EZH2: variants seen among roughly 807,000 people sequenced by gnomAD.
EZH2 encodes enhancer of zeste 2 polycomb repressive complex 2 subunit.
EZH2 carries 18 observed loss-of-function variants against 98.4 expected under a neutral mutation model. That is an observed-to-expected ratio of 0.18 (90% CI 0.13 to 0.27). The LOEUF (loss-of-function observed/expected upper bound fraction) is 0.27. Among genes scored for constraint, EZH2 ranks in the 10% least tolerant of loss-of-function variants. The pLI, the probability that EZH2 is intolerant of heterozygous loss-of-function variation, is 1.00. For synonymous variants in EZH2, 338 were observed against 312.3 expected (o/e 1.08, Z -0.87); for missense variants, 470 against 935.1 (o/e 0.50, Z 6.49).
At chr7:148,878,604 T>C (rs1820499049) in intron 1 of EZH2, among the ~76,000 whole-genome samples, 1 of 152,248 alleles carries the variant, frequency 6.6e-6, no homozygotes, top group South Asian at 2.1e-4. Context: ...TTCTTACAAA[T>C]ATTAAAAACA....
chr7:148,826,421 A>T, intron 8 of EZH2, 33 bp downstream of exon 8: 1 of 1,499,376 alleles, frequency 6.7e-7, no homozygotes, highest in Non-Finnish European at 9.0e-7. Context: ...TTAAAACATA[A>T]TTCCACAACA....
chr7:148,856,468 G>A (rs1331562795), intron 1 of EZH2, among the ~76,000 whole-genome samples: 2 of 152,194 alleles, frequency 1.3e-5, no homozygotes, highest in Non-Finnish European at 1.5e-5. Flanking sequence ...TGCATTTCCA[G>A]GGTCTGTCCA....
rs755577047 is a variant in EZH2 at position 148,809,035 on chromosome 7, C to T, written c.2195+36G>A. 34 of 1,546,534 alleles carry T rather than the reference C, an allele frequency of 2.2e-5. 1 individual carries two copies. In the South Asian group the frequency reaches 3.8e-4, roughly 17 times the overall value. ...AGAGTTCACAATCCAGTAGAAAAAG[C>T]CCTTAGAGATCATGCTAGAAATGTA... On this transcript the variant is annotated intron_variant, in intron 19 of 19. Coordinates refer to ENST00000320356, the MANE Select transcript of EZH2 (RefSeq NM_004456.5).
intron 8 of EZH2, among the ~76,000 whole-genome samples, chr7:148,825,640 A>G (rs1465528795): frequency 6.6e-6 from 1 of 152,192 alleles, no homozygotes; most frequent in Non-Finnish European, 1.5e-5. Context: ...CAGGAACTCA[A>G]AACAACAAAG....
intron 1 of EZH2, among the ~76,000 whole-genome samples, chr7:148,850,112 G>T (rs1815299496): frequency 6.6e-6 from 1 of 152,094 alleles, no homozygotes; most frequent in African/African-American, 2.4e-5. Flanking sequence ...TCTGCCTCCC[G>T]GGTTCACGCC....
At chr7:148,848,530 G>C (rs912468810) in intron 1 of EZH2, among the ~76,000 whole-genome samples, 1 of 152,160 alleles carries the variant, frequency 6.6e-6, no homozygotes, top group African/African-American at 2.4e-5. Flanking sequence ...AGAAGATTTA[G>C]AGTAAGAGTC....
chr7:148,839,626 C>T lies in EZH2; in HGVS notation c.246+6844G>A, dbSNP rs151053938. Among the ~76,000 whole-genome samples the T allele has an allele frequency of 1.6e-3, 245 of 151,564 alleles. 6 individuals are homozygous for T. Among genetic ancestry groups the T allele is most frequent in the Admixed American group, 0.01 (155 of 15,230 alleles). On this transcript the variant is annotated intron_variant, in intron 3 of 19. Coordinates refer to ENST00000320356, the MANE Select transcript of EZH2 (RefSeq NM_004456.5). Reference sequence around the variant, plus strand: ...GTCTTGTGATCTCGGCTCACTGAAACCTCTGCCTCCTGGGTTCAAGGCATT... The same window carrying T: ...GTCTTGTGATCTCGGCTCACTGAAATCTCTGCCTCCTGGGTTCAAGGCATT...
intron 8 of EZH2, among the ~76,000 whole-genome samples, chr7:148,822,668 G>A (rs1455797575): frequency 3.3e-5 from 5 of 152,052 alleles, no homozygotes; most frequent in South Asian, 2.1e-4. Flanking sequence ...TAGGCCAGGC[G>A]CAGTGGCTCA....
chr7:148,853,559 G>T (rs1382461091), intron 1 of EZH2, among the ~76,000 whole-genome samples: 1 of 152,202 alleles, frequency 6.6e-6, no homozygotes, highest in African/African-American at 2.4e-5. Flanking sequence ...GTACAGCCCA[G>T]TTCCTAACGG....
At chr7:148,857,099 T>C (rs746698264) in intron 1 of EZH2, among the ~76,000 whole-genome samples, 7 of 152,200 alleles carry the variant, frequency 4.6e-5, no homozygotes, top group Middle Eastern at 3.2e-3. Flanking sequence ...GTGGTATCCT[T>C]CCCCCAGACC....
At chr7:148,829,233 G>A (rs947864396) in intron 5 of EZH2, among the ~76,000 whole-genome samples, 2 of 152,094 alleles carry the variant, frequency 1.3e-5, no homozygotes, top group Non-Finnish European at 2.9e-5. Flanking sequence ...GACAATGGAT[G>A]ATGATATTAC....
intron 3 of EZH2, among the ~76,000 whole-genome samples, chr7:148,844,599 T>C (rs1183141637): frequency 6.6e-6 from 1 of 152,136 alleles, no homozygotes; most frequent in East Asian, 1.9e-4. Flanking sequence ...TCAATCTGCG[T>C]GTGTGTGTGG....
In EZH2 at chr7:148,856,353, T is replaced by C. The variant is rs1816833825; in HGVS notation, c.-7-9048A>G. ...GTTACAAATAAGCAAGAGGTGGTGA[T>C]GAATTAGTCAGATATATCAATATGA... On this transcript the variant is annotated intron_variant, in intron 1 of 19. Transcript: ENST00000320356. 1.3e-5 allele frequency among the ~76,000 whole-genome samples: 2 copies of C among 152,344 alleles called. 1 individual carries two copies. The highest frequency in any genetic ancestry group is 4.1e-4 in the South Asian group (2 of 4,830).
intron 1 of EZH2, among the ~76,000 whole-genome samples, chr7:148,858,526 T>C (rs1021257791): frequency 6.6e-6 from 1 of 152,022 alleles, no homozygotes; most frequent in African/African-American, 2.4e-5. Context: ...AATTCTACTT[T>C]TTCAATTTTT....
chr7:148,846,711 T>C, intron 2 of EZH2, 113 bp from the exon 3 acceptor site: 1 of 893,014 alleles, frequency 1.1e-6, no homozygotes, highest in Non-Finnish European at 1.7e-6. Flanking sequence ...ATCAAGAACA[T>C]TTTCTTAGGT....
At chr7:148,807,762 A>AGTCTT (rs2129465567) in intron 19 of EZH2, 56 bp from the exon 20 acceptor site, 1 of 1,123,214 alleles carries the variant, frequency 8.9e-7, no homozygotes, top group Non-Finnish European at 1.3e-6. Flanking sequence ...ACATGTGCTG[A>AGTCTT]GACTTAACAC....
chr7:148,859,890 G>GGCCCCGTTCTGGTTATATGCT (rs1223939867), intron 1 of EZH2, among the ~76,000 whole-genome samples: 2 of 152,228 alleles, frequency 1.3e-5, no homozygotes, highest in Admixed American at 1.3e-4. Context: ...GTTGCTTGCT[G>GGCCCCGTTCTGGTTATATGCT]GCCCCGTTCT....
At chr7:148,862,647 G>T (rs1388671772) in intron 1 of EZH2, among the ~76,000 whole-genome samples, 2 of 152,096 alleles carry the variant, frequency 1.3e-5, no homozygotes, top group Non-Finnish European at 2.9e-5. Context: ...ACTTAATCAC[G>T]TAAGTGCTTT....
intron 4 of EZH2, among the ~76,000 whole-genome samples, chr7:148,830,248 T>C (rs1563248649): frequency 6.6e-6 from 1 of 152,344 alleles, no homozygotes; most frequent in African/African-American, 2.4e-5. Context: ...CTCGAACTCC[T>C]GAGCTCAAGT....
Sources: allele counts gnomAD v4.1 joint callset (sites outside exome capture counted in the v4.1 genomes callset), GRCh38; gene constraint gnomAD v4.1.1; transcripts MANE v1.5; gene names NCBI Gene and HGNC (gene_info 2026-07-23, HGNC 2026-07-21).